The following ZNF763 variants were observed in gnomAD, a reference collection of about 807,000 sequenced individuals.
The protein encoded by ZNF763 is zinc finger protein 763.
A neutral mutation model predicts 38.0 loss-of-function variants in ZNF763; 33 were observed. The ratio of observed to expected loss-of-function variants is 0.87; its 90% CI spans 0.66 to 1.16. The LOEUF (loss-of-function observed/expected upper bound fraction) is 1.16. Ranked by LOEUF, ZNF763 falls within the 50% of genes most tolerant of loss-of-function variation. The pLI, the probability that ZNF763 is intolerant of heterozygous loss-of-function variation, is 0.00. For missense variants in ZNF763, 423 were observed against 469.1 expected (o/e 0.90, Z 0.91); for synonymous variants, 155 against 160.1 (o/e 0.97, Z 0.24).
At chr19:11,965,455 GGCAGTTCCGCGCCC>G (rs1973206719) in intron 1 of ZNF763, among the ~76,000 whole-genome samples, 1 of 152,196 alleles carries the variant, frequency 6.6e-6, no homozygotes, top group Non-Finnish European at 1.5e-5. Context: ...GCCCTCTCTG[GGCAGTTCCGCGCCC>G]GCAGCCCCGC....
chr19:11,977,024 G>A lies in ZNF763; in HGVS notation c.4-14G>A. On this transcript the variant is annotated splice_polypyrimidine_tract_variant and intron_variant, in intron 1 of 3. Coordinates refer to ENST00000358987, the MANE Select transcript of ZNF763 (RefSeq NM_001367172.2). ...CTCTCACCCAGCCTCCTCTACACAT[G>A]TGAGATGTTTCAGGACCCTGTGGCC... 6.2e-7 allele frequency: 1 copy of A among 1,614,076 alleles called. No homozygotes were observed. Among genetic ancestry groups the A allele is most frequent in the Non-Finnish European group, 8.5e-7 (1 of 1,179,968 alleles).
intron 1 of ZNF763, among the ~76,000 whole-genome samples, chr19:11,973,552 G>A (rs889942337): frequency 6.6e-6 from 1 of 151,870 alleles, no homozygotes; most frequent in African/African-American, 2.4e-5. Flanking sequence ...CATTCTATGG[G>A]TGTTACCATA....
At chr19:11,976,107 A>G (rs72988665) in intron 1 of ZNF763, among the ~76,000 whole-genome samples, 2,721 of 140,110 alleles carry the variant, frequency 0.019, 34 homozygotes, top group African/African-American at 0.027. Context: ...TGTCCCAGGG[A>G]CTCTCTCTCC....
intron 1 of ZNF763, among the ~76,000 whole-genome samples, chr19:11,970,770 G>A (rs1321354132): frequency 6.6e-6 from 1 of 151,980 alleles, no homozygotes; most frequent in East Asian, 1.9e-4. Context: ...CATCTGTACT[G>A]AAAATACAGC....
Position 11,979,805 on chromosome 19 carries a change from G to A in ZNF763, c.*696G>A, listed in dbSNP as rs879074216. 6.4e-7 allele frequency: 1 copy of A among 1,557,310 alleles called. No homozygotes were observed. Among genetic ancestry groups the A allele is most frequent in the Non-Finnish European group, 8.8e-7 (1 of 1,136,784 alleles). Reference sequence around the variant, plus strand: ...TGGAGAGAAACCCTATGAGTGTAAGGAATGTGGGAAAGCCTTCAGATCTGC... The same window carrying A: ...TGGAGAGAAACCCTATGAGTGTAAGAAATGTGGGAAAGCCTTCAGATCTGC... On this transcript the variant is annotated 3_prime_UTR_variant, in exon 4 of 4. Transcript: ENST00000358987.
chr19:11,967,411 T>C (rs1973255183), intron 1 of ZNF763, among the ~76,000 whole-genome samples: 1 of 152,110 alleles, frequency 6.6e-6, no homozygotes, highest in South Asian at 2.1e-4. Flanking sequence ...TGTCTCTATT[T>C]TGTTTTTTTT....
chr19:11,977,045 T>G lies in ZNF763; in HGVS notation c.11T>G (p.Val4Gly), dbSNP rs1368073187. Residue 4 changes from valine (V) to glycine (G), a missense_variant, in exon 2 of 4, where the codon GTG becomes GGG. Coordinates refer to ENST00000358987, the MANE Select transcript of ZNF763 (RefSeq NM_001367172.2). MDP[V>G]ACEDVAVNFT... ...ACATGTGAGATGTTTCAGGACCCTGTGGCCTGTGAGGATGTTGCTGTGAAC... is the reference window on the plus strand; with the variant it reads ...ACATGTGAGATGTTTCAGGACCCTGGGGCCTGTGAGGATGTTGCTGTGAAC... 6.2e-7 allele frequency: 1 copy of G among 1,614,074 alleles called. No homozygotes were observed. Among genetic ancestry groups the G allele is most frequent in the African/African-American group, 1.3e-5 (1 of 74,930 alleles).
At chr19:11,973,319 T>G (rs1467921379) in intron 1 of ZNF763, among the ~76,000 whole-genome samples, 1 of 152,198 alleles carries the variant, frequency 6.6e-6, no homozygotes, top group Admixed American at 6.6e-5. Context: ...CAGACTTGCT[T>G]CTTTCATGTA....
intron 1 of ZNF763, among the ~76,000 whole-genome samples, chr19:11,975,741 A>G (rs1599318793): frequency 6.6e-6 from 1 of 152,108 alleles, no homozygotes; most frequent in African/African-American, 2.4e-5. Context: ...TGCTTACTAC[A>G]TTTTGTTTAT....
chr19:11,979,879 C>T lies in ZNF763; in HGVS notation c.*770C>T, dbSNP rs1033046699. On this transcript the variant is annotated 3_prime_UTR_variant, in exon 4 of 4. Coordinates refer to ENST00000358987, the MANE Select transcript of ZNF763 (RefSeq NM_001367172.2). ...GGACACAAACACACGTAAGAATGCA[C>T]TCTGTAGAAAGACCTTATAAATGTA... 1.4e-5 allele frequency: 20 copies of T among 1,451,722 alleles called. No individual in the cohort carries two copies. Among genetic ancestry groups the T allele is most frequent in the African/African-American group, 1.1e-4 (8 of 71,076 alleles). The allele number at this position is 1,451,722 out of a possible 1,614,324, so 89.9% of individuals were successfully genotyped here. A position where few individuals can be genotyped will look rare whatever the true frequency, so the allele number is the denominator to read the frequency against.
rs1599324579 is a variant in ZNF763, at chr19:11,980,289, G to A, written c.*1180G>A. ...CTAGCTAGTTGGGAGGCTGGCACAG[G>A]AGAATCGCTTGAATCTGGGGGGCAG... On this transcript the variant is annotated 3_prime_UTR_variant, in exon 4 of 4. Coordinates refer to ENST00000358987, the MANE Select transcript of ZNF763 (RefSeq NM_001367172.2). 3.6e-6 allele frequency: 1 copy of A among 276,976 alleles called. No homozygotes were observed. Among genetic ancestry groups the A allele is most frequent in the South Asian group, 3.8e-5 (1 of 26,142 alleles). 17.2% of individuals were successfully genotyped at this position (276,976 alleles called of 1,614,324 possible).
At chr19:11,967,380 C>A (rs536082646) in intron 1 of ZNF763, among the ~76,000 whole-genome samples, 1 of 152,108 alleles carries the variant, frequency 6.6e-6, no homozygotes, top group African/African-American at 2.4e-5. Context: ...GAAGACCAAC[C>A]TGGCTAACAC....
At chr19:11,974,126 T>TTTCTTTCTTTCTTTCTTTTCTTTC (rs1177618111) in intron 1 of ZNF763, among the ~76,000 whole-genome samples, 1 of 55,088 alleles carries the variant, frequency 1.8e-5, no homozygotes, top group Non-Finnish European at 4.1e-5. Context: ...TCTTTCTTTC[T>TTTCTTTCTTTCTTTCTTTTCTTTC]TTTCTTTCTT....
At chr19:11,974,704 A>G (rs959077093) in intron 1 of ZNF763, among the ~76,000 whole-genome samples, 14 of 151,266 alleles carry the variant, frequency 9.3e-5, no homozygotes, top group African/African-American at 3.4e-4. Flanking sequence ...CCAGATTCAA[A>G]CAATTCTCCC....
chr19:11,970,429 TA>T (rs1973326977), intron 1 of ZNF763, among the ~76,000 whole-genome samples: 4 of 152,196 alleles, frequency 2.6e-5, no homozygotes. Context: ...ATAACAACGT[TA>T]AATCCATAAA....
In ZNF763 at chr19:11,974,746, G is replaced by A. The variant is rs1973448945; in HGVS notation, c.4-2292G>A. 2.0e-5 allele frequency among the ~76,000 whole-genome samples: 3 copies of A among 151,924 alleles called. No individual in the cohort carries two copies. In the South Asian group the frequency reaches 6.2e-4, roughly 32 times the overall value. On this transcript the variant is annotated intron_variant, in intron 1 of 3. Coordinates refer to ENST00000358987, the MANE Select transcript of ZNF763 (RefSeq NM_001367172.2). ...GCCTCCCAGGTAACTGGGACTACAG[G>A]CACATGCCACCACACCTAGCTAATT...
At chr19:11,975,646 T>C (rs1212064626) in intron 1 of ZNF763, among the ~76,000 whole-genome samples, 1 of 144,026 alleles carries the variant, frequency 6.9e-6, no homozygotes, top group African/African-American at 2.6e-5. Context: ...CCTACCAAAG[T>C]GTTGGGATTA....
chr19:11,965,417 T>A (rs906650863), intron 1 of ZNF763, among the ~76,000 whole-genome samples: 14 of 152,200 alleles, frequency 9.2e-5, no homozygotes, highest in Admixed American at 9.2e-4. Context: ...GTCCTGTCCC[T>A]GCGCGGTGAC....
chr19:11,974,113 CTTTCTTTCTTTCT>C (rs762338698), intron 1 of ZNF763, among the ~76,000 whole-genome samples: 1,530 of 65,614 alleles, frequency 0.023, 14 homozygotes, highest in Non-Finnish European at 0.026. Flanking sequence ...TTCTTTCTTT[CTTTCTTTCTTTCT>C]TTTCTTTCTT....
Sources: gnomAD v4.1 joint callset for allele counts (sites outside exome capture counted in the v4.1 genomes callset) on GRCh38, gnomAD v4.1.1 for gene constraint, MANE v1.5 for transcripts, NCBI Gene and HGNC (gene_info 2026-07-23, HGNC 2026-07-21) for gene names.